Variants in PLCB1 observed in about 807,000 individuals in gnomAD.
The protein encoded by PLCB1 is phospholipase C beta 1.
A neutral mutation model predicts 161.8 loss-of-function variants in PLCB1; 46 were observed. The observed-to-expected ratio is 0.28, with a 90% CI of 0.22 to 0.36. The LOEUF is 0.36. Among genes scored for constraint, PLCB1 ranks in the 10% least tolerant of loss-of-function variants. The pLI, the probability that PLCB1 is intolerant of heterozygous loss-of-function variation, is 1.00. For synonymous variants in PLCB1, 517 were observed against 503.7 expected (o/e 1.03, Z -0.35); for missense variants, 1,016 against 1,472.5 (o/e 0.69, Z 5.07).
At chr20:8,702,967 A>G (rs911004364) in intron 11 of PLCB1, among the ~76,000 whole-genome samples, 1 of 152,192 alleles carries the variant, frequency 6.6e-6, no homozygotes, top group Non-Finnish European at 1.5e-5. Context: ...AAATTTTCCT[A>G]AGCTGCTAGC....
chr20:8,651,435 C>T (rs373719951), intron 7 of PLCB1: 65 of 725,902 alleles, frequency 9.0e-5, no homozygotes, highest in African/African-American at 6.2e-4. Context: ...AATGAGGCTG[C>T]GAAAAGTGAG....
At chr20:8,687,777 A>C (rs1990393048) in intron 10 of PLCB1, among the ~76,000 whole-genome samples, 1 of 152,214 alleles carries the variant, frequency 6.6e-6, no homozygotes, top group Non-Finnish European at 1.5e-5. Context: ...GCTATTGTGA[A>C]TTGTGCTGCT....
At chr20:8,245,285 C>A (rs1980826158) in intron 2 of PLCB1, among the ~76,000 whole-genome samples, 1 of 151,806 alleles carries the variant, frequency 6.6e-6, no homozygotes, top group Non-Finnish European at 1.5e-5. Flanking sequence ...GCATACTTAT[C>A]ACATAAATAT....
intron 3 of PLCB1, among the ~76,000 whole-genome samples, chr20:8,431,144 T>C (rs1980022873): frequency 6.6e-6 from 1 of 152,140 alleles, no homozygotes; most frequent in Admixed American, 6.5e-5. Flanking sequence ...TTCAACTAAT[T>C]CTAAGCCTCA....
At chr20:8,137,443 C>A (rs2051360820) in intron 1 of PLCB1, among the ~76,000 whole-genome samples, 1 of 152,194 alleles carries the variant, frequency 6.6e-6, no homozygotes, top group African/African-American at 2.4e-5. Context: ...GGAAGGCTAG[C>A]AGATGCCCTC....
chr20:8,496,563 C>G (rs544664302), intron 3 of PLCB1, among the ~76,000 whole-genome samples: 2 of 152,136 alleles, frequency 1.3e-5, no homozygotes, highest in South Asian at 4.2e-4. Flanking sequence ...CTCTTTTTCT[C>G]ATGGGCCCCT....
At chr20:8,327,670 C>T (rs1020669444) in intron 2 of PLCB1, among the ~76,000 whole-genome samples, 2 of 152,158 alleles carry the variant, frequency 1.3e-5, no homozygotes, top group South Asian at 4.1e-4. Flanking sequence ...ATATCAGGGT[C>T]TTCCTAAATT....
Position 8,697,693 on chromosome 20 carries a change from T to C in PLCB1, c.1077T>C (p.Cys359=). 3 of 1,614,166 alleles carry C rather than the reference T, an allele frequency of 1.9e-6. No individual in the cohort carries two copies. The highest frequency in any genetic ancestry group is 2.5e-6 in the Non-Finnish European group (3 of 1,180,004). ...YRQVLLSGCR[C]VELDCWKGRT... is the part of the protein sequence containing the mutation. ...AAGTGCTCCTGTCTGGTTGTCGCTG[T>C]GTGGAGCTGGACTGCTGGAAGGGAC... Residue 359 remains cysteine, a synonymous_variant, in exon 11 of 32, where the codon TGT becomes TGC. Coordinates refer to ENST00000338037, the MANE Select transcript of PLCB1 (RefSeq NM_015192.4).
At chr20:8,652,142 T>C (rs1352767240) in intron 7 of PLCB1, 2 of 152,272 alleles carry the variant, frequency 1.3e-5, no homozygotes, top group East Asian at 3.9e-4. Context: ...TAATCTACTA[T>C]GTTTATTATA....
chr20:8,150,969 A>G (rs2051502584), intron 2 of PLCB1, among the ~76,000 whole-genome samples: 1 of 152,188 alleles, frequency 6.6e-6, no homozygotes, highest in Admixed American at 6.5e-5. Flanking sequence ...CCAATTGATG[A>G]TTCTGTACTG....
intron 3 of PLCB1, among the ~76,000 whole-genome samples, chr20:8,392,321 C>T (rs1037336732): frequency 6.6e-6 from 1 of 152,138 alleles, no homozygotes; most frequent in East Asian, 1.9e-4. Flanking sequence ...GACACGGAAC[C>T]TGTCTACGCC....
At chr20:8,417,527 A>C (rs1979356897) in intron 3 of PLCB1, among the ~76,000 whole-genome samples, 1 of 151,696 alleles carries the variant, frequency 6.6e-6, no homozygotes, top group African/African-American at 2.4e-5. Flanking sequence ...ATATATTTGC[A>C]TTGGTCGAGT....
intron 2 of PLCB1, among the ~76,000 whole-genome samples, chr20:8,213,123 T>G (rs6055658): frequency 0.018 from 2,765 of 152,272 alleles, 104 homozygotes; most frequent in African/African-American, 0.063. Flanking sequence ...GTGTGTTCAC[T>G]AATTCATCCA....
intron 23 of PLCB1, among the ~76,000 whole-genome samples, chr20:8,745,982 A>G (rs187002600): frequency 9.9e-4 from 150 of 152,256 alleles, no homozygotes; most frequent in Non-Finnish European, 1.9e-3. Context: ...TCCAGGCTGG[A>G]GTGCAGTGGC....
intron 14 of PLCB1, among the ~76,000 whole-genome samples, chr20:8,720,327 TA>T (rs1405027751): frequency 6.6e-6 from 1 of 152,230 alleles, no homozygotes; most frequent in Non-Finnish European, 1.5e-5. Flanking sequence ...AACAATCTGT[TA>T]GTTATTCAGT....
At chr20:8,848,252 C>T (rs148450749) in intron 31 of PLCB1, among the ~76,000 whole-genome samples, 280 of 152,286 alleles carry the variant, frequency 1.8e-3, no homozygotes, top group African/African-American at 6.0e-3. Context: ...TATGATCCTA[C>T]GGAGTTAGGG....
At chr20:8,803,697 T>A (rs369813462) in intron 31 of PLCB1, among the ~76,000 whole-genome samples, 5 of 152,344 alleles carry the variant, frequency 3.3e-5, no homozygotes, top group African/African-American at 9.6e-5. Flanking sequence ...GTTAAGACTA[T>A]CTTTTAAATC....
intron 2 of PLCB1, among the ~76,000 whole-genome samples, chr20:8,201,679 C>G (rs1221724372): frequency 1.3e-5 from 2 of 152,126 alleles, no homozygotes; most frequent in Non-Finnish European, 2.9e-5. Context: ...CTTTCTCAAG[C>G]AGTTGGAATT....
intron 3 of PLCB1, among the ~76,000 whole-genome samples, chr20:8,492,056 A>G (rs1309825146): frequency 6.6e-6 from 1 of 152,078 alleles, no homozygotes; most frequent in Non-Finnish European, 1.5e-5. Flanking sequence ...ATTAGTATAT[A>G]TATTCTTGGT....
Sources: allele counts gnomAD v4.1 joint callset (sites outside exome capture counted in the v4.1 genomes callset), GRCh38; gene constraint gnomAD v4.1.1; transcripts MANE v1.5; gene names NCBI Gene and HGNC (gene_info 2026-07-23, HGNC 2026-07-21).